The following IQGAP2 variants were observed in gnomAD, a reference collection of about 807,000 sequenced individuals.
The protein encoded by IQGAP2 is IQ motif containing GTPase activating protein 2.
A neutral mutation model predicts 201.3 loss-of-function variants in IQGAP2; 173 were observed. The observed-to-expected ratio is 0.86, with a 90% CI of 0.76 to 0.98. The LOEUF (loss-of-function observed/expected upper bound fraction) is 0.98, where lower values mean the gene tolerates loss of function less well. IQGAP2 is among the 50% of genes least tolerant of loss of function. The pLI, the probability that IQGAP2 is intolerant of heterozygous loss-of-function variation, is 0.00. For missense variants in IQGAP2, 1,687 were observed against 1,864.8 expected (o/e 0.90, Z 1.76); for synonymous variants, 675 against 673.9 (o/e 1.00, Z -0.03).
intron 2 of IQGAP2, among the ~76,000 whole-genome samples, chr5:76,501,060 G>A (rs1757247227): frequency 6.6e-6 from 1 of 151,218 alleles, no homozygotes; most frequent in Non-Finnish European, 1.5e-5. Flanking sequence ...TTAAGGAATT[G>A]ACCATTAAAT....
At chr5:76,617,058 G>C (rs1749045591) in intron 13 of IQGAP2, 1 of 153,340 alleles carries the variant, frequency 6.5e-6, no homozygotes, top group Non-Finnish European at 1.5e-5. Context: ...GCTTGAAGTA[G>C]CAATAAGGCA....
chr5:76,598,120 A>T (rs1214308048), intron 10 of IQGAP2, among the ~76,000 whole-genome samples: 5 of 152,178 alleles, frequency 3.3e-5, no homozygotes, highest in Non-Finnish European at 1.5e-5. Context: ...TAAGCCAAAC[A>T]ATGAAACAAA....
chr5:76,662,614 A>G (rs952675906), intron 21 of IQGAP2, among the ~76,000 whole-genome samples: 1 of 152,234 alleles, frequency 6.6e-6, no homozygotes, highest in Non-Finnish European at 1.5e-5. Flanking sequence ...CGATTTACAT[A>G]CATGTCGCCA....
intron 1 of IQGAP2, among the ~76,000 whole-genome samples, chr5:76,409,015 A>G (rs559076378): frequency 2.6e-5 from 4 of 152,044 alleles, no homozygotes; most frequent in African/African-American, 9.6e-5. Flanking sequence ...CTGGTCTCGA[A>G]CTTCCTACCT....
At chr5:76,461,207 A>C (rs1208172659) in intron 1 of IQGAP2, among the ~76,000 whole-genome samples, 1 of 151,670 alleles carries the variant, frequency 6.6e-6, no homozygotes, top group Non-Finnish European at 1.5e-5. Context: ...TAATACTGTA[A>C]AAATAAAAAA....
chr5:76,475,648 T>A (rs1284598700), intron 2 of IQGAP2, among the ~76,000 whole-genome samples: 1 of 152,132 alleles, frequency 6.6e-6, no homozygotes, highest in African/African-American at 2.4e-5. Context: ...CTGTTCCCCA[T>A]CCCTTTTCCT....
chr5:76,525,475 T>A (rs975786117), intron 2 of IQGAP2, among the ~76,000 whole-genome samples: 6 of 152,098 alleles, frequency 3.9e-5, no homozygotes, highest in South Asian at 2.1e-4. Flanking sequence ...TTTTTTTTTT[T>A]AATTCTGTGT....
In IQGAP2 at chr5:76,479,968, G is replaced by A. The variant is rs914294907; in HGVS notation, c.146+18299G>A. 2.6e-5 allele frequency among the ~76,000 whole-genome samples: 4 copies of A among 152,106 alleles called. No homozygotes were observed. In the South Asian group the frequency reaches 6.2e-4, roughly 24 times the overall value. On this transcript the variant is annotated intron_variant, in intron 2 of 35. Coordinates refer to ENST00000274364, the MANE Select transcript of IQGAP2 (RefSeq NM_006633.5). ...TACTCCTGATGTGTCTCCCAGGCTG[G>A]ATGATGACAAAGAACAAAGGAGAAG...
At chr5:76,471,829 T>C (rs777377471) in intron 2 of IQGAP2, among the ~76,000 whole-genome samples, 4 of 152,264 alleles carry the variant, frequency 2.6e-5, no homozygotes, top group African/African-American at 4.8e-5. Flanking sequence ...GCAATGCTAA[T>C]AAGAACTTGG....
chr5:76,540,073 A>ATT (rs1184838431), intron 2 of IQGAP2, among the ~76,000 whole-genome samples: 3 of 152,138 alleles, frequency 2.0e-5, no homozygotes, highest in Non-Finnish European at 4.4e-5. Context: ...TGGAGGTTCA[A>ATT]AGCGCCCCAA....
intron 2 of IQGAP2, among the ~76,000 whole-genome samples, chr5:76,532,234 T>C (rs150200260): frequency 2.4e-3 from 371 of 152,328 alleles, no homozygotes; most frequent in Non-Finnish European, 4.1e-3. Flanking sequence ...AGACCAGGCA[T>C]GCTGGCGCAT....
At chr5:76,696,656 A>G (rs1464233466) in intron 32 of IQGAP2, among the ~76,000 whole-genome samples, 4 of 152,190 alleles carry the variant, frequency 2.6e-5, no homozygotes, top group Non-Finnish European at 5.9e-5. Flanking sequence ...AATTATGTTC[A>G]ATTCTGGCAG....
intron 14 of IQGAP2, among the ~76,000 whole-genome samples, chr5:76,627,931 T>C (rs572826135): frequency 6.6e-6 from 1 of 152,158 alleles, no homozygotes; most frequent in Non-Finnish European, 1.5e-5. Context: ...TGAAATAGAC[T>C]GGCAGTCTAC....
At chr5:76,531,339 T>C (rs771697754) in intron 2 of IQGAP2, among the ~76,000 whole-genome samples, 1 of 152,180 alleles carries the variant, frequency 6.6e-6, no homozygotes, top group Non-Finnish European at 1.5e-5. Context: ...TGATCATAGC[T>C]CACTGTAACT....
chr5:76,534,165 A>T (rs867500311), intron 2 of IQGAP2, among the ~76,000 whole-genome samples: 1 of 152,204 alleles, frequency 6.6e-6, no homozygotes, highest in Non-Finnish European at 1.5e-5. Flanking sequence ...TTTTTCCCAC[A>T]TGGAGAGCTA....
chr5:76,649,454 G>A (rs1450621480), intron 17 of IQGAP2, among the ~76,000 whole-genome samples: 2 of 152,178 alleles, frequency 1.3e-5, no homozygotes, highest in African/African-American at 4.8e-5. Context: ...AGGAAATGAA[G>A]AAAGAAGAAA....
At chr5:76,495,135 G>A (rs1409716355) in intron 2 of IQGAP2, among the ~76,000 whole-genome samples, 6 of 152,016 alleles carry the variant, frequency 3.9e-5, no homozygotes, top group Non-Finnish European at 8.8e-5. Context: ...ATATATAAAA[G>A]ATATACAATA....
chr5:76,567,756 A>G (rs1744855294), intron 3 of IQGAP2, among the ~76,000 whole-genome samples: 1 of 152,064 alleles, frequency 6.6e-6, no homozygotes, highest in Non-Finnish European at 1.5e-5. Context: ...TTTCTAAACT[A>G]CCTCCTGGTT....
intron 1 of IQGAP2, among the ~76,000 whole-genome samples, chr5:76,447,524 T>A (rs866145924): frequency 2.0e-5 from 3 of 152,186 alleles, no homozygotes; most frequent in Non-Finnish European, 1.5e-5. Flanking sequence ...GCCACGTCCG[T>A]CGAGAGCTGC....
Sources: gnomAD v4.1 joint callset for allele counts (sites outside exome capture counted in the v4.1 genomes callset) on GRCh38, gnomAD v4.1.1 for gene constraint, MANE v1.5 for transcripts, NCBI Gene and HGNC (gene_info 2026-07-23, HGNC 2026-07-21) for gene names.